PHF24: variants seen among roughly 807,000 people sequenced by gnomAD.
PHF24 encodes the protein PHD finger protein 24.
Under a neutral mutation model 42.6 loss-of-function variants are expected in PHF24, and 25 were observed. The observed-to-expected ratio is 0.59, with a 90% CI of 0.43 to 0.82. The LOEUF (loss-of-function observed/expected upper bound fraction) is 0.82, where lower values mean the gene tolerates loss of function less well. Ranked by LOEUF, PHF24 falls within the 40% of genes least tolerant of loss-of-function variation. The pLI, the probability that PHF24 is intolerant of heterozygous loss-of-function variation, is 0.00. For missense variants in PHF24, 470 were observed against 538.1 expected (o/e 0.87, Z 1.25); for synonymous variants, 185 against 204.8 (o/e 0.90, Z 0.83).
At chr9:34,832,462 G>A in the PHF24 span, 2 of 1,501,198 alleles carry the variant, frequency 1.3e-6, no homozygotes, top group Non-Finnish European at 1.8e-6. Context: ...ATCAGCTTCT[G>A]AGCACGATGA....
the PHF24 span, chr9:34,838,549 T>G: frequency 8.5e-7 from 1 of 1,171,846 alleles, no homozygotes; most frequent in East Asian, 2.6e-5. Context: ...CATTCAGGGT[T>G]CTGGTGCCTA....
At chr9:34,975,188 A>G (rs1827143268) in intron 3 of PHF24, among the ~76,000 whole-genome samples, 1 of 152,108 alleles carries the variant, frequency 6.6e-6, no homozygotes, top group South Asian at 2.1e-4. Flanking sequence ...AGGGTATTGG[A>G]GGTACTTCAT....
the PHF24 span, among the ~76,000 whole-genome samples, chr9:34,825,550 C>T: frequency 6.7e-6 from 1 of 150,022 alleles, no homozygotes; most frequent in South Asian, 2.1e-4. Context: ...AACTTGTCAA[C>T]TTGTCTTTGT....
the PHF24 span, among the ~76,000 whole-genome samples, chr9:34,827,618 C>A: frequency 6.6e-6 from 1 of 152,136 alleles, no homozygotes; most frequent in East Asian, 1.9e-4. Context: ...ATCCCACTGT[C>A]CCTCAAAACA....
the PHF24 span, among the ~76,000 whole-genome samples, chr9:34,789,420 A>G: frequency 6.6e-6 from 1 of 152,212 alleles, no homozygotes; most frequent in Non-Finnish European, 1.5e-5. Flanking sequence ...TTTCCCCATA[A>G]CACCATCATG....
chr9:34,864,287 A>G, the PHF24 span, among the ~76,000 whole-genome samples: 9 of 152,216 alleles, frequency 5.9e-5, no homozygotes, highest in African/African-American at 2.2e-4. Flanking sequence ...ATCGATATCT[A>G]AGTACAAGAA....
chr9:34,850,334 C>G, the PHF24 span, among the ~76,000 whole-genome samples: 1 of 152,124 alleles, frequency 6.6e-6, no homozygotes, highest in Non-Finnish European at 1.5e-5. Flanking sequence ...CTTCCCTTCT[C>G]GCTTCATTTC....
the PHF24 span, among the ~76,000 whole-genome samples, chr9:34,713,993 A>G: frequency 3.3e-5 from 5 of 152,152 alleles, no homozygotes; most frequent in Non-Finnish European, 4.4e-5. Context: ...TGCAGAAGGC[A>G]TGGGGTTGAA....
At chr9:34,937,390 A>T in the PHF24 span, among the ~76,000 whole-genome samples, 1 of 152,134 alleles carries the variant, frequency 6.6e-6, no homozygotes, top group Non-Finnish European at 1.5e-5. Context: ...GTGTCCACTC[A>T]GGGTTGAATG....
the PHF24 span, among the ~76,000 whole-genome samples, chr9:34,690,501 A>G: frequency 3.4e-5 from 5 of 148,908 alleles, no homozygotes; most frequent in African/African-American, 1.2e-4. Flanking sequence ...TAGACCTGGT[A>G]TTCAGCCATT....
At chr9:34,918,397 A>T in the PHF24 span, 2 of 575,836 alleles carry the variant, frequency 3.5e-6, no homozygotes, top group East Asian at 6.0e-5. Flanking sequence ...AAGGGTGAAT[A>T]CCAAGGTCTT....
chr9:34,840,925 A>G, the PHF24 span, among the ~76,000 whole-genome samples: 11 of 152,164 alleles, frequency 7.2e-5, no homozygotes, highest in African/African-American at 2.7e-4. Flanking sequence ...TGCTGGGTCA[A>G]AGGGTGTGTG....
chr9:34,948,135 T>C, the PHF24 span, among the ~76,000 whole-genome samples: 1 of 147,392 alleles, frequency 6.8e-6, no homozygotes, highest in African/African-American at 2.5e-5. Flanking sequence ...AAAAGAAAAA[T>C]AGGAAAAAGT....
the PHF24 span, among the ~76,000 whole-genome samples, chr9:34,857,948 T>C: frequency 6.0e-5 from 9 of 149,072 alleles, no homozygotes; most frequent in African/African-American, 1.7e-4. Flanking sequence ...TTTATTTTTC[T>C]GGTTCTTTTG....
the PHF24 span, among the ~76,000 whole-genome samples, chr9:34,913,645 C>G: frequency 6.6e-6 from 1 of 152,108 alleles, no homozygotes; most frequent in East Asian, 1.9e-4. Context: ...TTCAGCAAAC[C>G]CTGACACAGC....
the PHF24 span, among the ~76,000 whole-genome samples, chr9:34,886,947 C>A: frequency 1.3e-5 from 2 of 152,108 alleles, no homozygotes. Flanking sequence ...CATACGTTAT[C>A]TAAGCAACAT....
the PHF24 span, chr9:34,832,568 G>C: frequency 6.5e-7 from 1 of 1,542,468 alleles, no homozygotes; most frequent in Admixed American, 2.0e-5. Flanking sequence ...TTTCTTTTCT[G>C]GTTTTGGCCA....
the PHF24 span, among the ~76,000 whole-genome samples, chr9:34,851,368 A>G: frequency 6.6e-6 from 1 of 152,200 alleles, no homozygotes; most frequent in South Asian, 2.1e-4. Flanking sequence ...CTGTGCTAGC[A>G]ATCAGCGAGA....
At chr9:34,926,348 A>T in the PHF24 span, among the ~76,000 whole-genome samples, 1 of 152,172 alleles carries the variant, frequency 6.6e-6, no homozygotes, top group Admixed American at 6.5e-5. The surrounding 1 kb of genome is among the most constrained non-coding windows in gnomAD (Gnocchi z 4.3). Flanking sequence ...AAGGCTGCTC[A>T]GCTGACCTGG....
Sources: allele counts gnomAD v4.1 joint callset (sites outside exome capture counted in the v4.1 genomes callset), GRCh38; gene constraint gnomAD v4.1.1; non-coding constraint Gnocchi (gnomAD v3.1); transcripts MANE v1.5; gene names NCBI Gene and HGNC (gene_info 2026-07-23, HGNC 2026-07-21).